Variants in SRGAP1 observed in about 807,000 individuals in gnomAD.
SRGAP1 encodes SLIT-ROBO Rho GTPase-activating protein 1.
A neutral mutation model predicts 121.9 loss-of-function variants in SRGAP1; 43 were observed. That is an observed-to-expected ratio of 0.35 (90% confidence interval 0.28 to 0.46). The LOEUF is 0.46. Among genes scored for constraint, SRGAP1 ranks in the 20% least tolerant of loss-of-function variants. The pLI, the probability that SRGAP1 is intolerant of heterozygous loss-of-function variation, is 1.00. For missense variants in SRGAP1, 1,102 were observed against 1,350.9 expected, an observed-to-expected ratio of 0.82 and a Z score of 2.89; for synonymous variants, 447 against 485.4, an observed-to-expected ratio of 0.92 and a Z score of 1.04.
chr12:63,934,656 C>G (rs140747557), intron 1 of SRGAP1, among the ~76,000 whole-genome samples: 100 of 152,270 alleles, frequency 6.6e-4, no homozygotes, highest in African/African-American at 2.4e-3. Flanking sequence ...CCACCACCCC[C>G]CCCAACAATC....
In SRGAP1 at chr12:64,068,890, G is replaced by A. The variant is rs189944034; in HGVS notation, c.1125+3671G>A. Among the ~76,000 whole-genome samples, 1,407 of 151,462 alleles carry A rather than the reference G, an allele frequency of 9.3e-3. 22 individuals carry two copies. The highest frequency in any genetic ancestry group is 0.032 in the African/African-American group (1,319 of 41,324). ...CCAGGCATGATGGCGCATGCCTGTAGTCCCAGTTACTCAGGAGGCTGAGGC... is the reference window on the plus strand; with the variant it reads ...CCAGGCATGATGGCGCATGCCTGTAATCCCAGTTACTCAGGAGGCTGAGGC... On this transcript the variant is annotated intron_variant, in intron 8 of 21. Transcript: ENST00000355086.
At chr12:64,040,474 G>A (rs374519890) in intron 4 of SRGAP1, among the ~76,000 whole-genome samples, 3 of 152,096 alleles carry the variant, frequency 2.0e-5, no homozygotes, top group Non-Finnish European at 2.9e-5. Context: ...TGCCGAGTTC[G>A]GGTGTGCTCC....
intron 1 of SRGAP1, among the ~76,000 whole-genome samples, chr12:63,968,274 T>G (rs2032842239): frequency 6.6e-6 from 1 of 152,230 alleles, no homozygotes; most frequent in Admixed American, 6.5e-5. Context: ...AGGGAAAATC[T>G]GGCACAAGAA....
chr12:63,850,303 T>C (rs751865434), intron 1 of SRGAP1, among the ~76,000 whole-genome samples: 1 of 152,200 alleles, frequency 6.6e-6, no homozygotes, highest in Non-Finnish European at 1.5e-5. Context: ...TGGATTATAA[T>C]ACAGGGTAGT....
chr12:63,923,908 G>A (rs895514063), intron 1 of SRGAP1, among the ~76,000 whole-genome samples: 12 of 152,206 alleles, frequency 7.9e-5, no homozygotes, highest in African/African-American at 2.7e-4. Context: ...TTGGGAGGCC[G>A]AGGCAGGCGG....
intron 10 of SRGAP1, among the ~76,000 whole-genome samples, chr12:64,085,529 A>G (rs1470933751): frequency 6.6e-6 from 1 of 151,990 alleles, no homozygotes; most frequent in Non-Finnish European, 1.5e-5. Flanking sequence ...TCACATCTTT[A>G]TCTCCAGCCC....
chr12:63,965,750 T>G (rs1327594070), intron 1 of SRGAP1, among the ~76,000 whole-genome samples: 1 of 152,252 alleles, frequency 6.6e-6, no homozygotes, highest in Non-Finnish European at 1.5e-5. Flanking sequence ...TTCCCTCCTT[T>G]CTACTTTTCC....
At chr12:63,931,743 A>G (rs896119188) in intron 1 of SRGAP1, among the ~76,000 whole-genome samples, 2 of 152,224 alleles carry the variant, frequency 1.3e-5, no homozygotes, top group Non-Finnish European at 2.9e-5. Flanking sequence ...CTCAAAGTCA[A>G]GGAATATTTT....
chr12:63,905,502 T>C (rs1027556764), intron 1 of SRGAP1, among the ~76,000 whole-genome samples: 1 of 152,248 alleles, frequency 6.6e-6, no homozygotes, highest in Non-Finnish European at 1.5e-5. Flanking sequence ...GCATTTTACA[T>C]ACTGGGGAAT....
chr12:64,132,474 G>A (rs2132243), intron 21 of SRGAP1, among the ~76,000 whole-genome samples: 16,386 of 152,248 alleles, frequency 0.11, 1,204 homozygotes, highest in Non-Finnish European at 0.15. Context: ...AAAGAGGAAC[G>A]TGTTGCCTCC....
At chr12:63,986,099 T>C (rs2033405399) in intron 2 of SRGAP1, among the ~76,000 whole-genome samples, 1 of 152,070 alleles carries the variant, frequency 6.6e-6, no homozygotes, top group African/African-American at 2.4e-5. Context: ...CTGTCTCTTC[T>C]CTTTTCTCTC....
chr12:64,070,736 CA>C (rs2136548325), intron 8 of SRGAP1, among the ~76,000 whole-genome samples: 1 of 152,270 alleles, frequency 6.6e-6, no homozygotes, highest in African/African-American at 2.4e-5. Context: ...AGATTTTAGG[CA>C]AACATTTGAG....
intron 11 of SRGAP1, among the ~76,000 whole-genome samples, chr12:64,087,684 CAA>C (rs1168414640): frequency 6.6e-6 from 1 of 152,056 alleles, no homozygotes; most frequent in African/African-American, 2.4e-5. Flanking sequence ...TGCAGTGAGC[CAA>C]GATTGCGCCA....
At chr12:64,137,316 T>C (rs2036871545) in intron 21 of SRGAP1, among the ~76,000 whole-genome samples, 2 of 151,870 alleles carry the variant, frequency 1.3e-5, no homozygotes, top group South Asian at 4.1e-4. Context: ...AACAGATGAC[T>C]AGGCTCTGCA....
intron 10 of SRGAP1, among the ~76,000 whole-genome samples, chr12:64,086,443 A>G (rs1025296698): frequency 5.3e-5 from 8 of 152,194 alleles, no homozygotes; most frequent in Non-Finnish European, 1.2e-4. Context: ...GGTGGAATGT[A>G]GTATCATTTA....
At chr12:63,880,527 C>A (rs1900161807) in intron 1 of SRGAP1, among the ~76,000 whole-genome samples, 1 of 152,170 alleles carries the variant, frequency 6.6e-6, no homozygotes, top group Non-Finnish European at 1.5e-5. Flanking sequence ...AGCCACCACA[C>A]CCAGCCAAAC....
intron 1 of SRGAP1, among the ~76,000 whole-genome samples, chr12:63,890,510 TG>T (rs1900543282): frequency 6.6e-6 from 1 of 152,222 alleles, no homozygotes; most frequent in Non-Finnish European, 1.5e-5. Flanking sequence ...GAAAAGCAGC[TG>T]ACCACTGAAA....
intron 18 of SRGAP1, among the ~76,000 whole-genome samples, chr12:64,116,207 G>A (rs2136622904): frequency 7.0e-6 from 1 of 141,942 alleles, no homozygotes; most frequent in East Asian, 2.1e-4. Context: ...CAGTGAACTA[G>A]GATAGCGCCA....
intron 15 of SRGAP1, among the ~76,000 whole-genome samples, chr12:64,099,644 C>T (rs1212709809): frequency 1.3e-5 from 2 of 152,134 alleles, no homozygotes; most frequent in East Asian, 1.9e-4. Context: ...TCTGACCCAG[C>T]TGGAAAGAAA....
Sources: allele counts gnomAD v4.1 joint callset (sites outside exome capture counted in the v4.1 genomes callset), GRCh38; gene constraint gnomAD v4.1.1; transcripts MANE v1.5; gene names NCBI Gene and HGNC (gene_info 2026-07-23, HGNC 2026-07-21).